The following XK variants were observed in gnomAD, a reference collection of about 807,000 sequenced individuals.
The protein encoded by XK is X-linked Kx blood group antigen, Kell and VPS13A binding protein, also known as endoplasmic reticulum membrane adapter protein XK.
A neutral mutation model predicts 14.0 loss-of-function variants in XK; 2 were observed. That is an observed-to-expected ratio of 0.14 (90% CI 0.06 to 0.45). The LOEUF (loss-of-function observed/expected upper bound fraction) is 0.45, where lower values mean the gene tolerates loss of function less well. XK is among the 20% of genes least tolerant of loss of function. The pLI, the probability that XK is intolerant of heterozygous loss-of-function variation, is 0.98. For synonymous variants in XK, 149 were observed against 147.5 expected (o/e 1.01, Z -0.08); for missense variants, 235 against 341.5 (o/e 0.69, Z 2.46).
At chrX:37,719,934 T>A (rs1387618378) in intron 2 of XK, among the ~76,000 whole-genome samples, 1 of 111,337 alleles carries the variant, frequency 9.0e-6, no homozygotes, top group Non-Finnish European at 1.9e-5. Context: ...TGCTTTTGTT[T>A]ATGGCAGTCA....
chrX:37,711,001 A>G lies in XK; in HGVS notation c.508+16453A>G, dbSNP rs782119715. The stretch of plus-strand genomic sequence containing the variant: ...TGATGCCTGGGTTCCAGAGCCTGGC[A>G]GGGGTCCTCACAGCCTCATCCTTCG... On this transcript the variant is annotated intron_variant, in intron 2 of 2. Transcript: ENST00000378616. 2.3e-3 allele frequency among the ~76,000 whole-genome samples: 262 copies of G among 111,956 alleles called. 1 individual carries two copies. Among genetic ancestry groups the G allele is most frequent in the African/African-American group, 8.0e-3 (245 of 30,793 alleles).
intron 2 of XK, among the ~76,000 whole-genome samples, chrX:37,720,279 C>T (rs181722921): frequency 9.0e-6 from 1 of 110,604 alleles, no homozygotes; most frequent in Non-Finnish European, 1.9e-5. Context: ...GTCTTAGCCC[C>T]AGGAGTACTC....
intron 2 of XK, among the ~76,000 whole-genome samples, chrX:37,700,581 C>T (rs1160915203): frequency 9.0e-6 from 1 of 111,607 alleles, no homozygotes; most frequent in East Asian, 2.8e-4. Flanking sequence ...GGGGCAGTTT[C>T]CAGTGGTTGG....
intron 2 of XK, among the ~76,000 whole-genome samples, chrX:37,716,322 A>G (rs1473710437): frequency 8.9e-6 from 1 of 112,021 alleles, no homozygotes; most frequent in Non-Finnish European, 1.9e-5. Flanking sequence ...GTTGTTTACA[A>G]CCATGGACAC....
chrX:37,705,273 G>A (rs902795451), intron 2 of XK, among the ~76,000 whole-genome samples: 24 of 104,497 alleles, frequency 2.3e-4, no homozygotes, highest in South Asian at 4.4e-4. Context: ...GTGAAACCCC[G>A]TCTCTACTAA....
chrX:37,687,271 A>G (rs1361376363), intron 1 of XK, among the ~76,000 whole-genome samples: 3 of 106,170 alleles, frequency 2.8e-5, no homozygotes, highest in Non-Finnish European at 5.8e-5. Flanking sequence ...ACAAAGTTAT[A>G]ATTTTTTTTT....
chrX:37,691,668 G>A (rs973435518), intron 1 of XK, among the ~76,000 whole-genome samples: 24 of 112,383 alleles, frequency 2.1e-4, no homozygotes, highest in African/African-American at 7.8e-4. Flanking sequence ...ATATGTATGT[G>A]TGGGTATGTG....
At chrX:37,717,301 C>G (rs1179561075) in intron 2 of XK, among the ~76,000 whole-genome samples, 2 of 111,644 alleles carry the variant, frequency 1.8e-5, no homozygotes, top group Non-Finnish European at 3.8e-5. Flanking sequence ...GATTCTGGAG[C>G]AAGACTACTT....
intron 2 of XK, among the ~76,000 whole-genome samples, chrX:37,718,850 G>C (rs28998777): frequency 0.014 from 1,544 of 111,180 alleles, 25 homozygotes; most frequent in African/African-American, 0.047. Flanking sequence ...GGGTATGTTT[G>C]TGTGTGTGTA....
chrX:37,723,392 C>T (rs1556449370), intron 2 of XK, among the ~76,000 whole-genome samples: 1 of 111,427 alleles, frequency 9.0e-6, no homozygotes, highest in Non-Finnish European at 1.9e-5. Flanking sequence ...CTTCTTGTCT[C>T]CCAAATGTGT....
rs1331808427 is a variant in XK at position 37,729,986 on chromosome X, A to T, written c.*1524A>T. The T allele has an allele frequency of 3.6e-5, 4 of 112,153 alleles. No individual in the cohort carries two copies. Among genetic ancestry groups the T allele is most frequent in the Non-Finnish European group, 7.5e-5 (4 of 53,217 alleles). The allele number at this position is 112,153 out of a possible 1,213,427, so 9.2% of individuals were successfully genotyped here. On this transcript the variant is annotated 3_prime_UTR_variant, in exon 3 of 3. Coordinates refer to ENST00000378616, the MANE Select transcript of XK (RefSeq NM_021083.4). ...TACATTCGGAGGTCAAGAAAGCAGT[A>T]TATATTCTTTCACAAGGCATCCATA...
Position 37,700,796 on chromosome X carries a change from G to C in XK, c.508+6248G>C, listed in dbSNP as rs28940602. Reference sequence around the variant, plus strand: ...GGGAGGCTTTATTCAGAATAGCAAAGGTCTGAAGTCAGAGGGCAGTAGCCA... The same window carrying C: ...GGGAGGCTTTATTCAGAATAGCAAACGTCTGAAGTCAGAGGGCAGTAGCCA... On this transcript the variant is annotated intron_variant, in intron 2 of 2. Coordinates refer to ENST00000378616, the MANE Select transcript of XK (RefSeq NM_021083.4). Among the ~76,000 whole-genome samples, 793 of 111,001 alleles carry C rather than the reference G, an allele frequency of 7.1e-3. 8 individuals carry two copies. The highest frequency in any genetic ancestry group is 0.014 in the Middle Eastern group (3 of 216).
chrX:37,690,570 A>T (rs1927183056), intron 1 of XK, among the ~76,000 whole-genome samples: 1 of 111,710 alleles, frequency 9.0e-6, no homozygotes, highest in Non-Finnish European at 1.9e-5. Context: ...CCTACTGATT[A>T]TCTACATTGG....
At chrX:37,707,268 C>G (rs1315393640) in intron 2 of XK, among the ~76,000 whole-genome samples, 2 of 109,186 alleles carry the variant, frequency 1.8e-5, no homozygotes, top group East Asian at 3.0e-4. Context: ...GGCTGACCCC[C>G]CACCTCCCTC....
In XK at chrX:37,730,435, T is replaced by G. The variant is rs1270272589; in HGVS notation, c.*1973T>G. On this transcript the variant is annotated 3_prime_UTR_variant, in exon 3 of 3. Coordinates refer to ENST00000378616, the MANE Select transcript of XK (RefSeq NM_021083.4). ...ACATCATTTTTTGTTTCTTCCTAAT[T>G]AACAAAAGGGCTCTATAATGATTAG... 1.8e-5 allele frequency: 2 copies of G among 112,706 alleles called. No individual in the cohort carries two copies. Among genetic ancestry groups the G allele is most frequent in the Admixed American group, 1.9e-4 (2 of 10,670 alleles). 9.3% of individuals were successfully genotyped at this position (112,706 alleles called of 1,213,427 possible).
chrX:37,715,357 G>T (rs1556447615), intron 2 of XK, among the ~76,000 whole-genome samples: 1 of 111,507 alleles, frequency 9.0e-6, no homozygotes, highest in Admixed American at 9.6e-5. Flanking sequence ...AGGATATATT[G>T]ATTTTGTAGG....
rs1237375242 is a variant in XK at position 37,685,816 on chromosome X, C to G, written c.-146C>G. 1 of 630,038 alleles carries G rather than the reference C, an allele frequency of 1.6e-6. No homozygotes were observed. Among genetic ancestry groups the G allele is most frequent in the Non-Finnish European group, 2.2e-6 (1 of 462,577 alleles). The allele number at this position is 630,038 out of a possible 1,213,427, so 51.9% of individuals were successfully genotyped here. A position where few individuals can be genotyped will look rare whatever the true frequency, so the allele number is the denominator to read the frequency against. On this transcript the variant is annotated 5_prime_UTR_variant, in exon 1 of 3. Transcript: ENST00000378616. Reference sequence around the variant, plus strand: ...AGAGCCCAGGCCGGTCGGCCGGGCCCGCGTGCCCTCGGCGGGCTGCGCAGA... The same window carrying G: ...AGAGCCCAGGCCGGTCGGCCGGGCCGGCGTGCCCTCGGCGGGCTGCGCAGA...
intron 2 of XK, among the ~76,000 whole-genome samples, chrX:37,708,734 A>G (rs113006198): frequency 0.011 from 1,263 of 112,334 alleles, 12 homozygotes; most frequent in South Asian, 0.037. Flanking sequence ...AAACCCATCA[A>G]TACTGAGCCA....
chrX:37,702,494 T>C (rs1927435460), intron 2 of XK, among the ~76,000 whole-genome samples: 1 of 112,167 alleles, frequency 8.9e-6, no homozygotes, highest in African/African-American at 3.2e-5. Flanking sequence ...GCAGACATCT[T>C]AAAAGAAAAT....
Sources: gnomAD v4.1 joint callset for allele counts (sites outside exome capture counted in the v4.1 genomes callset) on GRCh38, gnomAD v4.1.1 for gene constraint, MANE v1.5 for transcripts, NCBI Gene and HGNC (gene_info 2026-07-23, HGNC 2026-07-21) for gene names.